Variants in COL23A1 observed in about 807,000 individuals in gnomAD.
The protein encoded by COL23A1 is collagen alpha-1(XXIII) chain.
Under a neutral mutation model 99.3 loss-of-function variants are expected in COL23A1, and 97 were observed. The ratio of observed to expected loss-of-function variants is 0.98; its 90% confidence interval spans 0.83 to 1.16. COL23A1 has a LOEUF of 1.16. COL23A1 is among the 50% of genes most tolerant of loss of function. COL23A1 has a pLI of 0.00. For synonymous variants in COL23A1, 320 were observed against 308.2 expected (o/e 1.04, Z -0.40); for missense variants, 762 against 757.4 (o/e 1.01, Z -0.07).
chr5:178,376,961 G>A (rs1187442631), intron 2 of COL23A1, among the ~76,000 whole-genome samples: 1 of 152,142 alleles, frequency 6.6e-6, no homozygotes, highest in Non-Finnish European at 1.5e-5. Context: ...ATGCACAAAA[G>A]CCCTCCCTCC....
intron 1 of COL23A1, among the ~76,000 whole-genome samples, chr5:178,585,933 G>C (rs1763979018): frequency 6.6e-6 from 1 of 152,222 alleles, no homozygotes; most frequent in Non-Finnish European, 1.5e-5. Flanking sequence ...GCTAGTGGCT[G>C]TAAGTCTGCC....
chr5:178,477,736 C>T (rs1177259549), intron 2 of COL23A1, among the ~76,000 whole-genome samples: 1 of 152,192 alleles, frequency 6.6e-6, no homozygotes, highest in African/African-American at 2.4e-5. Context: ...CCTTCCCGCT[C>T]TTCCCTGGAG....
chr5:178,456,423 G>A (rs1767797961), intron 2 of COL23A1, among the ~76,000 whole-genome samples: 1 of 152,214 alleles, frequency 6.6e-6, no homozygotes, highest in Admixed American at 6.5e-5. Flanking sequence ...GTTTGGCCGG[G>A]CATGGTGGCT....
rs1021555422 is a variant in COL23A1 at position 178,338,338 on chromosome 5, C to T, written c.362-31419G>A. 7.8e-4 allele frequency among the ~76,000 whole-genome samples: 119 copies of T among 152,198 alleles called. 1 individual carries two copies. Among genetic ancestry groups the T allele is most frequent in the Non-Finnish European group, 4.0e-4 (27 of 68,030 alleles). ...CAGTCCAGAGGGCACAGTGAGATAG[C>T]AAAGGCTGGTCAAGCCCTCAGAATG... On this transcript the variant is annotated intron_variant, in intron 2 of 28. Transcript: ENST00000390654.
chr5:178,342,018 A>G (rs1760697452), intron 2 of COL23A1, among the ~76,000 whole-genome samples: 1 of 151,856 alleles, frequency 6.6e-6, no homozygotes, highest in Admixed American at 6.6e-5. Context: ...ACCCTCATTT[A>G]CCGCCTGTCT....
chr5:178,435,026 G>A (rs1032690380), intron 2 of COL23A1, among the ~76,000 whole-genome samples: 4 of 152,332 alleles, frequency 2.6e-5, no homozygotes, highest in East Asian at 1.9e-4. Context: ...AGCCAGCACC[G>A]GATGCAGGCG....
intron 22 of COL23A1, 86 bp from the exon 23 acceptor site, chr5:178,246,539 G>A: frequency 5.2e-6 from 7 of 1,358,718 alleles, no homozygotes; most frequent in Non-Finnish European, 1.0e-6. Flanking sequence ...AAGGGAGCTG[G>A]GATGTGGACA....
At chr5:178,556,306 G>A (rs1409440353) in intron 2 of COL23A1, among the ~76,000 whole-genome samples, 1 of 152,158 alleles carries the variant, frequency 6.6e-6, no homozygotes, top group Non-Finnish European at 1.5e-5. Context: ...AAAGAAGGAG[G>A]AGGAGGAGTT....
chr5:178,368,551 G>A (rs1275483589), intron 2 of COL23A1, among the ~76,000 whole-genome samples: 3 of 152,160 alleles, frequency 2.0e-5, no homozygotes, highest in Non-Finnish European at 2.9e-5. Flanking sequence ...AGTATCACAC[G>A]GAGTAGTTCC....
chr5:178,556,202 G>T (rs1464575690), intron 2 of COL23A1, among the ~76,000 whole-genome samples: 1 of 152,082 alleles, frequency 6.6e-6, no homozygotes, highest in Non-Finnish European at 1.5e-5. Flanking sequence ...CGGATACACA[G>T]ACGGGCACAG....
intron 2 of COL23A1, among the ~76,000 whole-genome samples, chr5:178,423,695 C>T (rs2127801998): frequency 6.6e-6 from 1 of 152,278 alleles, no homozygotes; most frequent in Non-Finnish European, 1.5e-5. Flanking sequence ...CCTACTCTAG[C>T]ACGGCAGTCC....
chr5:178,498,207 TA>T (rs1758299149), intron 2 of COL23A1, among the ~76,000 whole-genome samples: 5 of 8,012 alleles, frequency 6.2e-4, no homozygotes, highest in South Asian at 4.2e-3. Flanking sequence ...TTTATTTAAA[TA>T]TATATATATA....
chr5:178,260,770 G>C (rs948281989), intron 11 of COL23A1, among the ~76,000 whole-genome samples: 1 of 152,182 alleles, frequency 6.6e-6, no homozygotes, highest in East Asian at 1.9e-4. Context: ...CTCCAGCCTG[G>C]GCGACAAGAG....
rs1336989234 is a variant in COL23A1 at position 178,434,423 on chromosome 5, G to A, written c.361+126259C>T. ...GCCTCGGGCAAAATGCCTGGACCAG[G>A]ACTTGGACATTGGGCGGCTGTGTGA... On this transcript the variant is annotated intron_variant, in intron 2 of 28. Transcript: ENST00000390654. This position sits in a 1 kb window ranked among gnomAD's most constrained non-coding sequence, Gnocchi z 4.3. Among the ~76,000 whole-genome samples the A allele has an allele frequency of 6.6e-6, 1 of 152,264 alleles. No homozygotes were observed. The highest frequency in any genetic ancestry group is 1.5e-5 in the Non-Finnish European group (1 of 68,040).
At chr5:178,432,127 C>T (rs558768045) in intron 2 of COL23A1, among the ~76,000 whole-genome samples, 1 of 152,322 alleles carries the variant, frequency 6.6e-6, no homozygotes, top group East Asian at 1.9e-4. Flanking sequence ...TGTTTTAGGA[C>T]TCTGGCTACA....
At chr5:178,301,901 G>A (rs1201661296) in intron 3 of COL23A1, among the ~76,000 whole-genome samples, 3 of 148,960 alleles carry the variant, frequency 2.0e-5, no homozygotes, top group African/African-American at 7.5e-5. Flanking sequence ...CTCTGTGTGC[G>A]CCGCAGCACA....
At chr5:178,523,201 T>TATAGAGAGAGAGAGAGAGAG (rs1223542330) in intron 2 of COL23A1, among the ~76,000 whole-genome samples, 1 of 77,632 alleles carries the variant, frequency 1.3e-5, no homozygotes, top group Non-Finnish European at 2.5e-5. Flanking sequence ...TATATATATA[T>TATAGAGAGAGAGAGAGAGAG]AGAGAGAGAG....
At chr5:178,336,749 A>G (rs1760343059) in intron 2 of COL23A1, among the ~76,000 whole-genome samples, 1 of 152,270 alleles carries the variant, frequency 6.6e-6, no homozygotes, top group Admixed American at 6.5e-5. Context: ...ATAATTTTAA[A>G]AAAGAATCCA....
At chr5:178,546,219 T>C (rs573091710) in intron 2 of COL23A1, among the ~76,000 whole-genome samples, 3 of 152,126 alleles carry the variant, frequency 2.0e-5, no homozygotes, top group South Asian at 2.1e-4. Flanking sequence ...GGGGCAGATA[T>C]GTGTAAGAGG....
Sources: gnomAD v4.1 joint callset for allele counts (sites outside exome capture counted in the v4.1 genomes callset) on GRCh38, gnomAD v4.1.1 for gene constraint, Gnocchi (gnomAD v3.1) non-coding constraint, MANE v1.5 for transcripts, NCBI Gene and HGNC (gene_info 2026-07-23, HGNC 2026-07-21) for gene names.